RAD51B: variants seen among roughly 807,000 people sequenced by gnomAD.
RAD51B encodes the protein RAD51 paralog B, also known as DNA repair protein RAD51 homolog 2.
Under a neutral mutation model 42.2 loss-of-function variants are expected in RAD51B, and 38 were observed. The observed-to-expected ratio is 0.90, with a 90% CI of 0.70 to 1.18. RAD51B has a LOEUF of 1.18. RAD51B is among the 50% of genes most tolerant of loss of function. The pLI is 0.00. For synonymous variants in RAD51B, 154 were observed against 145.2 expected (o/e 1.06, Z -0.43); for missense variants, 373 against 400.7 (o/e 0.93, Z 0.59).
chr14:68,014,605 A>G (rs1348569169), intron 7 of RAD51B, among the ~76,000 whole-genome samples: 1 of 152,066 alleles, frequency 6.6e-6, no homozygotes, highest in Non-Finnish European at 1.5e-5. Flanking sequence ...TTTAAAAACA[A>G]TATTTGATTA....
chr14:67,899,170 G>A (rs539197051), intron 7 of RAD51B, among the ~76,000 whole-genome samples: 1 of 151,806 alleles, frequency 6.6e-6, no homozygotes, highest in African/African-American at 2.4e-5. Flanking sequence ...AGCCTCCCGA[G>A]TAGCTGGGAC....
At chr14:68,479,100 G>A (rs1882956063), downstream of RAD51B, among the ~76,000 whole-genome samples, 1 of 152,216 alleles carries the variant, frequency 6.6e-6, no homozygotes, top group Admixed American at 6.5e-5. Flanking sequence ...AGACCTGGAA[G>A]AGGCAGAGCA....
chr14:67,820,379 T>A (rs560723481), intron 1 of RAD51B, among the ~76,000 whole-genome samples: 133 of 152,144 alleles, frequency 8.7e-4, no homozygotes, highest in Admixed American at 1.3e-3. Context: ...TGGCACGTAA[T>A]AAGGGCTCAA....
chr14:68,669,024 A>T (rs982401528), intron 11 of RAD51B, among the ~76,000 whole-genome samples: 1 of 152,236 alleles, frequency 6.6e-6, no homozygotes, highest in Non-Finnish European at 1.5e-5. Context: ...AAAAGACGAT[A>T]TCTTTGCTAG....
At chr14:67,936,299 C>G (rs2044946923) in intron 7 of RAD51B, among the ~76,000 whole-genome samples, 1 of 152,134 alleles carries the variant, frequency 6.6e-6, no homozygotes, top group South Asian at 2.1e-4. Flanking sequence ...TTTGCTATCT[C>G]TATAGATTTG....
intron 7 of RAD51B, among the ~76,000 whole-genome samples, chr14:68,135,922 A>G (rs1451814126): frequency 6.6e-6 from 1 of 152,200 alleles, no homozygotes; most frequent in African/African-American, 2.4e-5. Context: ...ATTCTATAAA[A>G]AGAGACTCAG....
At chr14:68,656,386 A>T (rs1892815720) in intron 11 of RAD51B, among the ~76,000 whole-genome samples, 1 of 151,212 alleles carries the variant, frequency 6.6e-6, no homozygotes, top group African/African-American at 2.4e-5. Context: ...AAAATATAAA[A>T]CCTTTGTCCA....
intron 10 of RAD51B, chr14:68,540,073 C>A: frequency 1.9e-6 from 1 of 537,282 alleles, no homozygotes; most frequent in Non-Finnish European, 2.4e-6. Context: ...TGTACCAAAG[C>A]AATAGAGGGA....
intron 10 of RAD51B, among the ~76,000 whole-genome samples, chr14:68,561,800 G>A (rs1019061697): frequency 6.6e-6 from 1 of 152,208 alleles, no homozygotes; most frequent in Non-Finnish European, 1.5e-5. Flanking sequence ...ACTGCAGCTT[G>A]GTGAATGAAC....
intron 6 of RAD51B, 130 bp from the exon 7 acceptor site, chr14:67,886,891 T>C: frequency 1.7e-6 from 1 of 576,722 alleles, no homozygotes. Context: ...TTTACTGAAT[T>C]CTTGCAAATC....
intron 10 of RAD51B, among the ~76,000 whole-genome samples, chr14:68,498,301 G>A (rs1331897849): frequency 1.3e-5 from 2 of 152,236 alleles, no homozygotes; most frequent in African/African-American, 4.8e-5. Flanking sequence ...CAGCAGACAA[G>A]TTGAAAGATG....
intron 7 of RAD51B, among the ~76,000 whole-genome samples, chr14:68,255,336 G>A (rs1343221135): frequency 1.3e-5 from 2 of 152,166 alleles, no homozygotes; most frequent in African/African-American, 2.4e-5. Flanking sequence ...TAAACATAAG[G>A]TAATTATCTG....
intron 4 of RAD51B, among the ~76,000 whole-genome samples, chr14:67,862,534 A>C (rs1356721299): frequency 1.3e-5 from 2 of 152,184 alleles, no homozygotes; most frequent in Non-Finnish European, 1.5e-5. Flanking sequence ...AGATCAATAA[A>C]AACTTTTGCA....
At chr14:68,657,525 G>A (rs1391026192) in intron 11 of RAD51B, among the ~76,000 whole-genome samples, 1 of 152,262 alleles carries the variant, frequency 6.6e-6, no homozygotes, top group African/African-American at 2.4e-5. Flanking sequence ...AAGTGAGCCT[G>A]GTGGGGGGCC....
chr14:68,632,888 A>T (rs976664535), intron 10 of RAD51B, among the ~76,000 whole-genome samples: 3 of 130,766 alleles, frequency 2.3e-5, no homozygotes, highest in African/African-American at 8.9e-5. Context: ...TGATCCTCCC[A>T]CCCCAGCCTC....
At chr14:68,084,746 T>C (rs889622559) in intron 7 of RAD51B, among the ~76,000 whole-genome samples, 1 of 152,232 alleles carries the variant, frequency 6.6e-6, no homozygotes, top group Non-Finnish European at 1.5e-5. Flanking sequence ...GGTTGGTTGA[T>C]TGATTCATTC....
intron 7 of RAD51B, among the ~76,000 whole-genome samples, chr14:68,037,076 A>G (rs576314340): frequency 1.5e-4 from 4 of 26,444 alleles, no homozygotes; most frequent in Non-Finnish European, 2.4e-4. Context: ...CCCTTCCTTT[A>G]TCCTTTCTCC....
chr14:68,201,887 A>G (rs1466928403), intron 7 of RAD51B, among the ~76,000 whole-genome samples: 1 of 152,234 alleles, frequency 6.6e-6, no homozygotes, highest in African/African-American at 2.4e-5. Flanking sequence ...TAGAAAAGGC[A>G]TGAAGACAAC....
chr14:68,054,974 TG>T (rs71446349), intron 7 of RAD51B, among the ~76,000 whole-genome samples: 2 of 152,122 alleles, frequency 1.3e-5, no homozygotes, highest in African/African-American at 2.4e-5. Flanking sequence ...GCTTGGTGTG[TG>T]GGGGGAAAAT....
Sources: gnomAD v4.1 joint callset for allele counts (sites outside exome capture counted in the v4.1 genomes callset) on GRCh38, gnomAD v4.1.1 for gene constraint, MANE v1.5 for transcripts, NCBI Gene and HGNC (gene_info 2026-07-23, HGNC 2026-07-21) for gene names.